The following NUP58 variants were observed in gnomAD, a reference collection of about 807,000 sequenced individuals.
NUP58 encodes the protein nucleoporin p58/p45.
In NUP58, 17 loss-of-function variants were observed where a neutral mutation model predicts 70.1. That is an observed-to-expected ratio of 0.24 (90% confidence interval 0.17 to 0.36). The LOEUF is 0.36. Among genes scored for constraint, NUP58 ranks in the 10% least tolerant of loss-of-function variants. NUP58 has a pLI of 1.00. For synonymous variants in NUP58, 275 were observed against 257.6 expected, an observed-to-expected ratio of 1.07 and a Z score of -0.65; for missense variants, 644 against 701.5, an observed-to-expected ratio of 0.92 and a Z score of 0.93.
intron 14 of NUP58, 36 bp from the exon 15 acceptor site, chr13:25,338,600 G>A: frequency 6.9e-7 from 1 of 1,456,468 alleles, no homozygotes; most frequent in Non-Finnish European, 9.6e-7. Context: ...TGTGTTTTAT[G>A]TGCCATTGTA....
In NUP58 at chr13:25,337,836, A is replaced by C. The variant is rs1055055563; in HGVS notation, c.1535-800A>C. The stretch of plus-strand genomic sequence containing the variant: ...TAATTAATTTGCCATCACATTTCTT[A>C]TTGTTACAGGCAATGATACTGTCAC... On this transcript the variant is annotated intron_variant, in intron 14 of 15. Transcript: ENST00000381736. 4.6e-5 allele frequency among the ~76,000 whole-genome samples: 7 copies of C among 152,108 alleles called. No individual in the cohort carries two copies. In the East Asian group the frequency reaches 1.3e-3, roughly 29 times the overall value.
downstream of NUP58, among the ~76,000 whole-genome samples, chr13:25,344,410 C>T (rs1192252620): frequency 2.0e-5 from 3 of 152,184 alleles, no homozygotes; most frequent in Admixed American, 6.5e-5. Flanking sequence ...AGTGTAACCC[C>T]TGACACCTGA....
intron 4 of NUP58, 104 bp from the exon 5 acceptor site, chr13:25,313,510 A>G: frequency 8.9e-7 from 1 of 1,120,116 alleles, no homozygotes; most frequent in South Asian, 2.3e-5. Flanking sequence ...CCAAAGAGCC[A>G]ATTTTATCAT....
chr13:25,320,397 A>C lies in NUP58; in HGVS notation c.711-133A>C, dbSNP rs917202079. The C allele has an allele frequency of 1.4e-5, 8 of 584,550 alleles. No homozygotes were observed. In the African/African-American group the frequency reaches 1.6e-4, roughly 12 times the overall value. The allele number at this position is 584,550 out of a possible 1,614,324, so 36.2% of individuals were successfully genotyped here. On this transcript the variant is annotated intron_variant, in intron 7 of 15. Transcript: ENST00000381736. ...TATGTTTTTTATAAAGAGCTTTGAAATCATCCAGAGAAGCCATACGTGCTT... is the reference window on the plus strand; with the variant it reads ...TATGTTTTTTATAAAGAGCTTTGAACTCATCCAGAGAAGCCATACGTGCTT...
chr13:25,317,376 G>T (rs2030980939), intron 6 of NUP58, among the ~76,000 whole-genome samples: 1 of 152,140 alleles, frequency 6.6e-6, no homozygotes, highest in Non-Finnish European at 1.5e-5. Context: ...CATTCTGACA[G>T]CCATATGGAA....
chr13:25,307,317 A>G (rs1168290950), intron 1 of NUP58, among the ~76,000 whole-genome samples: 1 of 149,192 alleles, frequency 6.7e-6, no homozygotes, highest in Non-Finnish European at 1.5e-5. Context: ...GGTTCAAGCA[A>G]TTCTCCTGCC....
intron 3 of NUP58, 101 bp from the exon 4 acceptor site, chr13:25,312,782 C>A: frequency 8.7e-7 from 1 of 1,155,808 alleles, no homozygotes; most frequent in Non-Finnish European, 1.2e-6. Flanking sequence ...AAGGTAGTAT[C>A]ATGAACTTTT....
At chr13:25,335,283 A>G in intron 13 of NUP58, 2 of 985,246 alleles carry the variant, frequency 2.0e-6, no homozygotes, top group Non-Finnish European at 2.4e-6. Context: ...GTTGCTCTTA[A>G]CAACAGACCC....
rs1383518398 is a variant in NUP58 at position 25,340,826 on chromosome 13, G to A, written c.*692G>A. 3 of 151,974 alleles carry A rather than the reference G, an allele frequency of 2.0e-5. No homozygotes were observed. The highest frequency in any genetic ancestry group is 7.3e-5 in the African/African-American group (3 of 41,340). The allele number at this position is 151,974 out of a possible 1,614,324, so 9.4% of individuals were successfully genotyped here. A position where few individuals can be genotyped will look rare whatever the true frequency, so the allele number is the denominator to read the frequency against. ...CCAGCTACTCGGGAGGCTGAGGCAC[G>A]AGAATCACTTGAAGCCGGGAGGTGG... On this transcript the variant is annotated 3_prime_UTR_variant, in exon 16 of 16. Transcript: ENST00000381736.
intron 12 of NUP58, among the ~76,000 whole-genome samples, chr13:25,330,692 A>G (rs550378710): frequency 6.5e-4 from 99 of 152,254 alleles, no homozygotes; most frequent in African/African-American, 2.3e-3. Context: ...TGAACTTGGG[A>G]ATTTTTCTTA....
intron 6 of NUP58, among the ~76,000 whole-genome samples, chr13:25,316,990 A>G (rs1317219976): frequency 6.6e-6 from 1 of 152,202 alleles, no homozygotes; most frequent in South Asian, 2.1e-4. Context: ...TCTGATTACT[A>G]CATCCCAGTT....
Position 25,325,053 on chromosome 13 carries a change from A to G in NUP58, c.1016A>G (p.Tyr339Cys). 1.2e-6 allele frequency: 2 copies of G among 1,609,920 alleles called. No homozygotes were observed. The highest frequency in any genetic ancestry group is 1.3e-5 in the African/African-American group (1 of 74,774). ...QKTPPGLQHEYAAPADYFRIL... is the reference protein window; with the variant it reads ...QKTPPGLQHECAAPADYFRIL... ...ACACCACCTGGACTTCAACATGAAT[A>G]TGCAGCTCCTGCTGAGTAAGTTGCT... Residue 339 changes from tyrosine (Y) to cysteine (C), a missense_variant, in exon 10 of 16, where the codon TAT (tyrosine) becomes TGT (cysteine). This residue lies in a region of NUP58 where 430 missense variants were observed against 409.2 expected (regional missense o/e 1.05). Transcript: ENST00000381736.
intron 13 of NUP58, chr13:25,334,608 G>A (rs2031718956): frequency 1.0e-6 from 1 of 983,180 alleles, no homozygotes; most frequent in African/African-American, 1.7e-5. Context: ...CGCATTTTAG[G>A]TTTTTTAAAG....
Position 25,340,262 on chromosome 13 carries a change from G to C in NUP58, c.*128G>C, listed in dbSNP as rs920081171. ...AAGTTTTGATATTTTTCCCTACTCT[G>C]GAATTTGAACTTTCTTCATGTTTGC... On this transcript the variant is annotated 3_prime_UTR_variant, in exon 16 of 16. Transcript: ENST00000381736. 1.1e-6 allele frequency: 1 copy of C among 910,514 alleles called. No individual in the cohort carries two copies. 56.4% of individuals were successfully genotyped at this position (910,514 alleles called of 1,614,324 possible).
chr13:25,340,152 G>GA lies in NUP58; in HGVS notation c.*19dup. ...AAAGATAAACATGGGTTGATGTGTT[G>GA]AGAGAATCCATAGCAGCACCGTTCA... is the stretch of plus-strand genomic sequence containing the variant. On this transcript the variant is annotated 3_prime_UTR_variant, in exon 16 of 16. Transcript: ENST00000381736. 6.2e-7 allele frequency: 1 copy of GA among 1,600,492 alleles called. No individual in the cohort carries two copies. The highest frequency in any genetic ancestry group is 8.5e-7 in the Non-Finnish European group (1 of 1,174,228).
rs576685650 is a variant in NUP58 at position 25,332,063 on chromosome 13, T to G, written c.1435+505T>G. Reference sequence around the variant, plus strand: ...TATGTTGAAGATCAATAGGCTTGTTTGTATGTATGTTGACTGTAAACAGAA... The same window carrying G: ...TATGTTGAAGATCAATAGGCTTGTTGGTATGTATGTTGACTGTAAACAGAA... On this transcript the variant is annotated intron_variant, in intron 13 of 15. Transcript: ENST00000381736. The G allele has an allele frequency of 4.0e-6, 4 of 1,003,180 alleles. No homozygotes were observed. The African/African-American group carries it at 6.9e-5, about 17-fold the overall frequency. The allele number at this position is 1,003,180 out of a possible 1,614,324, so 62.1% of individuals were successfully genotyped here.
intron 3 of NUP58, among the ~76,000 whole-genome samples, chr13:25,311,328 G>T (rs1373934701): frequency 3.3e-5 from 5 of 152,074 alleles, no homozygotes; most frequent in African/African-American, 1.2e-4. Context: ...CTTAAATTGG[G>T]CAGAATCACC....
At chr13:25,348,408 T>C (rs996839126) in intron 3 of NUP58, among the ~76,000 whole-genome samples, 4 of 152,166 alleles carry the variant, frequency 2.6e-5, no homozygotes, top group African/African-American at 9.7e-5. Context: ...TTCAAAATGT[T>C]TGTTTCCTTG....
At chr13:25,331,941 A>T in intron 13 of NUP58, 1 of 1,066,222 alleles carries the variant, frequency 9.4e-7, no homozygotes, top group Non-Finnish European at 1.1e-6. Flanking sequence ...AATTTTTCAT[A>T]TATGATACTG....
Sources: gnomAD v4.1 joint callset for allele counts (sites outside exome capture counted in the v4.1 genomes callset) on GRCh38, gnomAD v4.1.1 for gene constraint, gnomAD v4.1.1 regional missense constraint, MANE v1.5 for transcripts, NCBI Gene and HGNC (gene_info 2026-07-23, HGNC 2026-07-21) for gene names.